Variants in GRID1 observed in about 807,000 individuals in gnomAD.
GRID1 encodes glutamate receptor ionotropic, delta-1.
Under a neutral mutation model 98.0 loss-of-function variants are expected in GRID1, and 28 were observed. That is an observed-to-expected ratio of 0.29 (90% CI 0.21 to 0.39). The LOEUF is 0.39. GRID1 is among the 10% of genes least tolerant of loss of function. The pLI is 1.00. For synonymous variants in GRID1, 553 were observed against 538.5 expected (o/e 1.03, Z -0.37); for missense variants, 1,111 against 1,340.5 (o/e 0.83, Z 2.67).
intron 3 of GRID1, among the ~76,000 whole-genome samples, chr10:86,173,622 T>C (rs941734730): frequency 7.3e-5 from 11 of 151,532 alleles, no homozygotes; most frequent in Non-Finnish European, 7.4e-5. Flanking sequence ...ATGTGCACAA[T>C]GTGCAGGTTA....
chr10:86,141,125 T>C (rs560962005), intron 3 of GRID1, among the ~76,000 whole-genome samples: 95 of 151,924 alleles, frequency 6.3e-4, no homozygotes, highest in African/African-American at 2.2e-3. Context: ...AGGGCCGAGA[T>C]GAAGTGGCCA....
intron 4 of GRID1, among the ~76,000 whole-genome samples, chr10:86,125,798 C>T (rs1326745783): frequency 6.6e-6 from 1 of 152,200 alleles, no homozygotes; most frequent in East Asian, 1.9e-4. Flanking sequence ...TGATGAGCCG[C>T]TTCCACTTAA....
At chr10:85,772,288 C>T (rs1383419078) in intron 8 of GRID1, among the ~76,000 whole-genome samples, 1 of 152,114 alleles carries the variant, frequency 6.6e-6, no homozygotes, top group African/African-American at 2.4e-5. Context: ...AACAAAGACA[C>T]AACATACGAG....
Position 85,726,234 on chromosome 10 carries a change from A to AT in GRID1, c.1534-1559dup, listed in dbSNP as rs112297328. Among the ~76,000 whole-genome samples, 1,291 of 146,306 alleles carry AT rather than the reference A, an allele frequency of 8.8e-3. 6 individuals carry two copies. The highest frequency in any genetic ancestry group is 0.012 in the Non-Finnish European group (809 of 66,038). On this transcript the variant is annotated intron_variant, in intron 10 of 15. Coordinates refer to ENST00000327946, the MANE Select transcript of GRID1 (RefSeq NM_017551.3). ...ATTTCCCCAATATAGAAGTACAATC[A>AT]TTTTTTTTTTTTTAGTTGGGAAGGA...
chr10:86,254,523 G>A (rs1024001255), intron 2 of GRID1, among the ~76,000 whole-genome samples: 1 of 152,198 alleles, frequency 6.6e-6, no homozygotes, highest in Non-Finnish European at 1.5e-5. Context: ...GAGAACTACC[G>A]TAGCTGCTCC....
intron 8 of GRID1, among the ~76,000 whole-genome samples, chr10:85,777,371 C>T (rs891502632): frequency 6.6e-6 from 1 of 152,190 alleles, no homozygotes; most frequent in Non-Finnish European, 1.5e-5. Flanking sequence ...TCTAGGAGTC[C>T]CCATAATGCC....
intron 8 of GRID1, among the ~76,000 whole-genome samples, chr10:85,769,684 G>T (rs1194487499): frequency 6.6e-6 from 1 of 152,164 alleles, no homozygotes; most frequent in African/African-American, 2.4e-5. Flanking sequence ...CCTGCACCTG[G>T]CTCGGAGGGT....
intron 2 of GRID1, among the ~76,000 whole-genome samples, chr10:86,338,033 GT>G (rs1848251739): frequency 6.6e-6 from 1 of 152,144 alleles, no homozygotes; most frequent in Admixed American, 6.5e-5. Context: ...ATTCCACCTG[GT>G]TTTGGAAAGA....
Position 86,053,697 on chromosome 10 carries a change from A to G in GRID1, c.726+85122T>C, listed in dbSNP as rs558003833. Reference sequence around the variant, plus strand: ...AAACTGTGCTATGGTGAAATCCAAAAGCTTTCCTCAGAGGCTTTCCTCAGG... The same window carrying G: ...AAACTGTGCTATGGTGAAATCCAAAGGCTTTCCTCAGAGGCTTTCCTCAGG... On this transcript the variant is annotated intron_variant, in intron 4 of 15. Coordinates refer to ENST00000327946, the MANE Select transcript of GRID1 (RefSeq NM_017551.3). Among the ~76,000 whole-genome samples, 12 of 152,322 alleles carry G rather than the reference A, an allele frequency of 7.9e-5. No individual in the cohort carries two copies. In the South Asian group the frequency reaches 1.9e-3, roughly 24 times the overall value.
chr10:85,676,056 C>A (rs1252664978), intron 12 of GRID1, among the ~76,000 whole-genome samples: 2 of 152,222 alleles, frequency 1.3e-5, no homozygotes, highest in South Asian at 2.1e-4. Context: ...ACAGGGATCA[C>A]CTCCAGCAAG....
chr10:85,856,872 A>G (rs187028081), intron 6 of GRID1, among the ~76,000 whole-genome samples: 1 of 152,370 alleles, frequency 6.6e-6, no homozygotes, highest in Non-Finnish European at 1.5e-5. Context: ...AATGGGTACA[A>G]TACAGAGGGA....
rs1298188071 is a variant in GRID1 at position 85,602,589 on chromosome 10, A to G, written c.2714T>C (p.Met905Thr). 1 of 1,613,882 alleles carries G rather than the reference A, an allele frequency of 6.2e-7. No homozygotes were observed. The highest frequency in any genetic ancestry group is 2.2e-5 in the East Asian group (1 of 44,864). ...GGTCTGGGTGGGAGCCAGGCCCCCC[A>G]TCTCCAGGGCCGAGAGCTCAATCGA... ...PASIELSALE[M>T]GGLAPTQTLE... Residue 905 changes from methionine to threonine, a missense_variant, in exon 16 of 16, where the codon ATG (methionine) becomes ACG (threonine). Transcript: ENST00000327946.
At chr10:85,786,863 G>C (rs779663925) in intron 8 of GRID1, among the ~76,000 whole-genome samples, 1 of 151,892 alleles carries the variant, frequency 6.6e-6, no homozygotes, top group East Asian at 1.9e-4. Context: ...AGGGCAGGGC[G>C]TGGAGGAGGG....
At chr10:86,193,729 A>G (rs1422126725) in intron 3 of GRID1, among the ~76,000 whole-genome samples, 1 of 151,796 alleles carries the variant, frequency 6.6e-6, no homozygotes, top group African/African-American at 2.4e-5. Context: ...CCTGTCAGAG[A>G]CCTCAGAATC....
intron 12 of GRID1, among the ~76,000 whole-genome samples, chr10:85,661,698 T>A (rs1048088073): frequency 6.6e-6 from 1 of 152,128 alleles, no homozygotes; most frequent in Non-Finnish European, 1.5e-5. Flanking sequence ...CTAGCTCAGG[T>A]CACTATGGGC....
chr10:86,191,804 T>A (rs1399284930), intron 3 of GRID1, among the ~76,000 whole-genome samples: 1 of 152,164 alleles, frequency 6.6e-6, no homozygotes, highest in Non-Finnish European at 1.5e-5. Flanking sequence ...CCACTCCACC[T>A]GTCCTCAACT....
rs1222631369 is a variant in GRID1, at chr10:86,192,021, AAGG to A, written c.520+14340_520+14342del. Among the ~76,000 whole-genome samples, 6 of 152,250 alleles carry A rather than the reference AAGG, an allele frequency of 3.9e-5. No homozygotes were observed. The highest frequency in any genetic ancestry group is 8.8e-5 in the Non-Finnish European group (6 of 68,006). On this transcript the variant is annotated intron_variant, in intron 3 of 15. Transcript: ENST00000327946. The surrounding 1 kb of genome is among the most constrained non-coding windows in gnomAD (Gnocchi z 4.8). ...GAGAAGGGATCTGAACTTGATCCTT[AAGG>A]AGAGGGGGAGACATTCAGGGGTCTA...
intron 4 of GRID1, among the ~76,000 whole-genome samples, chr10:86,113,373 C>T (rs772586250): frequency 1.3e-5 from 2 of 152,182 alleles, no homozygotes; most frequent in African/African-American, 2.4e-5. Flanking sequence ...CTCTAACAGG[C>T]CAGCTTTAAT....
chr10:86,172,315 C>T (rs1180550595), intron 3 of GRID1, among the ~76,000 whole-genome samples: 1 of 152,160 alleles, frequency 6.6e-6, no homozygotes, highest in Non-Finnish European at 1.5e-5. Flanking sequence ...TCATCGCTAC[C>T]CTAGCACTCA....
Sources: gnomAD v4.1 joint callset for allele counts (sites outside exome capture counted in the v4.1 genomes callset) on GRCh38, gnomAD v4.1.1 for gene constraint, Gnocchi (gnomAD v3.1) non-coding constraint, MANE v1.5 for transcripts, NCBI Gene and HGNC (gene_info 2026-07-23, HGNC 2026-07-21) for gene names.